The following PTPRN2 variants were observed in gnomAD, a reference collection of about 807,000 sequenced individuals.
The protein encoded by PTPRN2 is protein tyrosine phosphatase receptor type N2, also known as receptor-type tyrosine-protein phosphatase N2.
A neutral mutation model predicts 118.8 loss-of-function variants in PTPRN2; 74 were observed. The observed-to-expected ratio is 0.62, with a 90% CI of 0.52 to 0.76. The LOEUF is 0.76. Among genes scored for constraint, PTPRN2 ranks in the 30% least tolerant of loss-of-function variants. PTPRN2 has a pLI of 0.00. For missense variants in PTPRN2, 1,481 were observed against 1,394.4 expected (o/e 1.06, Z -0.99); for synonymous variants, 641 against 608.0 (o/e 1.05, Z -0.80).
chr7:158,436,093 C>G (rs1200009210), intron 2 of PTPRN2, among the ~76,000 whole-genome samples: 3 of 152,144 alleles, frequency 2.0e-5, no homozygotes, highest in Non-Finnish European at 4.4e-5. Flanking sequence ...CAAAAAAGGA[C>G]ATGGATCCCT....
At position 157,952,335 on chromosome 7, in the gene PTPRN2, A is replaced by G. The variant is rs540332765; in HGVS notation, c.1724-53598T>C. On this transcript the variant is annotated intron_variant, in intron 11 of 22. Coordinates refer to ENST00000389418, the MANE Select transcript of PTPRN2 (RefSeq NM_002847.5). Reference sequence around the variant, plus strand: ...CTGGGGTAGTGTGCACGCCTGAGACAGGGTGGGGGACACGAAGGGAGACAG... The same window carrying G: ...CTGGGGTAGTGTGCACGCCTGAGACGGGGTGGGGGACACGAAGGGAGACAG... Among the ~76,000 whole-genome samples, 690 of 126,082 alleles carry G rather than the reference A, an allele frequency of 5.5e-3. 8 individuals carry two copies. Among genetic ancestry groups the G allele is most frequent in the African/African-American group, 0.015 (485 of 33,318 alleles). The allele number at this position is 126,082 out of a possible 152,430, so 82.7% of individuals were successfully genotyped here.
At chr7:158,371,127 C>T (rs1299886799) in intron 2 of PTPRN2, among the ~76,000 whole-genome samples, 3 of 152,040 alleles carry the variant, frequency 2.0e-5, no homozygotes, top group Admixed American at 6.6e-5. Context: ...TATGTGACTG[C>T]GCAGGGAAGA....
At chr7:158,522,645 A>C (rs994735349) in intron 1 of PTPRN2, among the ~76,000 whole-genome samples, 4 of 152,198 alleles carry the variant, frequency 2.6e-5, no homozygotes, top group Non-Finnish European at 5.9e-5. Context: ...GGCTAGATGC[A>C]GTCTGTGGAC....
At chr7:158,552,425 A>T (rs1195896082) in intron 1 of PTPRN2, among the ~76,000 whole-genome samples, 1 of 152,212 alleles carries the variant, frequency 6.6e-6, no homozygotes, top group Non-Finnish European at 1.5e-5. Flanking sequence ...ACTGTTTTTT[A>T]AAAAATAATT....
intron 1 of PTPRN2, among the ~76,000 whole-genome samples, chr7:158,495,935 C>T (rs1054471850): frequency 2.0e-5 from 3 of 152,044 alleles, no homozygotes; most frequent in Non-Finnish European, 4.4e-5. Flanking sequence ...AGGAAGGCTC[C>T]TCCCAGATCT....
chr7:158,233,990 A>G (rs1234845571), intron 3 of PTPRN2, among the ~76,000 whole-genome samples: 1 of 152,236 alleles, frequency 6.6e-6, no homozygotes, highest in African/African-American at 2.4e-5. Context: ...TTAAAGGCTT[A>G]AATATAAGAC....
At chr7:157,800,313 C>T (rs1805183087) in intron 12 of PTPRN2, among the ~76,000 whole-genome samples, 1 of 152,200 alleles carries the variant, frequency 6.6e-6, no homozygotes, top group South Asian at 2.1e-4. Context: ...ATCACTGTGC[C>T]CTCTTCTCCT....
intron 11 of PTPRN2, among the ~76,000 whole-genome samples, chr7:157,911,766 G>A (rs1164442194): frequency 1.3e-5 from 2 of 152,150 alleles, no homozygotes; most frequent in African/African-American, 2.4e-5. Context: ...GTTTCTGTAT[G>A]TAGACTTTTT....
chr7:158,584,357 C>G (rs1439738263), intron 1 of PTPRN2, among the ~76,000 whole-genome samples: 1 of 152,168 alleles, frequency 6.6e-6, no homozygotes, highest in Non-Finnish European at 1.5e-5. Flanking sequence ...GGAAAAAGCA[C>G]TGAGACCTGC....
At chr7:157,847,987 T>C (rs548638428) in intron 12 of PTPRN2, among the ~76,000 whole-genome samples, 83 of 111,732 alleles carry the variant, frequency 7.4e-4, no homozygotes, top group South Asian at 1.0e-3. Flanking sequence ...AGAGCCCTCT[T>C]TCATTACATC....
chr7:158,100,697 C>G lies in PTPRN2; in HGVS notation c.1643+10132G>C, dbSNP rs142713541. On this transcript the variant is annotated intron_variant, in intron 10 of 22. Coordinates refer to ENST00000389418, the MANE Select transcript of PTPRN2 (RefSeq NM_002847.5). ...ATATGTTTGTTGGCCATTTGTATAT[C>G]TTCTTTCAAGAATTGTCTATTCATG... Among the ~76,000 whole-genome samples the G allele has an allele frequency of 3.4e-4, 51 of 152,224 alleles. No individual in the cohort carries two copies. The East Asian group carries it at 8.5e-3, about 25-fold the overall frequency.
intron 1 of PTPRN2, among the ~76,000 whole-genome samples, chr7:158,508,031 C>T (rs1822892816): frequency 6.8e-6 from 1 of 147,198 alleles, no homozygotes; most frequent in Admixed American, 6.7e-5. Context: ...TGAGGACCGT[C>T]CAGGGGACAG....
chr7:158,269,292 A>C (rs1798136776), intron 3 of PTPRN2, among the ~76,000 whole-genome samples: 2 of 152,210 alleles, frequency 1.3e-5, no homozygotes, highest in Admixed American at 6.5e-5. Flanking sequence ...CTAGCAGTGT[A>C]ACCCTGAATG....
At chr7:157,798,945 AAGGCAGCAGGAG>A (rs1277100063) in intron 12 of PTPRN2, among the ~76,000 whole-genome samples, 19 of 152,276 alleles carry the variant, frequency 1.2e-4, no homozygotes, top group African/African-American at 4.6e-4. Context: ...CTCTCCCAGG[AAGGCAGCAGGAG>A]AGGAGACCCC....
chr7:158,552,279 A>G (rs927519241), intron 1 of PTPRN2, among the ~76,000 whole-genome samples: 15 of 149,436 alleles, frequency 1.0e-4, no homozygotes, highest in Admixed American at 6.7e-5. Flanking sequence ...TAATGCATGC[A>G]TTTGAGCCCC....
intron 10 of PTPRN2, among the ~76,000 whole-genome samples, chr7:158,084,822 A>ATG (rs1813142019): frequency 2.7e-5 from 3 of 113,042 alleles, no homozygotes; most frequent in South Asian, 6.5e-4. Flanking sequence ...ACACTCCTAC[A>ATG]ATGCCCATCC....
intron 10 of PTPRN2, among the ~76,000 whole-genome samples, chr7:158,103,185 G>A (rs746621535): frequency 5.9e-5 from 9 of 152,172 alleles, no homozygotes; most frequent in African/African-American, 1.7e-4. Context: ...CTCCCTGTGC[G>A]CATGGCCTGG....
chr7:158,381,152 C>T (rs559820783), intron 2 of PTPRN2, among the ~76,000 whole-genome samples: 1 of 152,354 alleles, frequency 6.6e-6, no homozygotes, highest in South Asian at 2.1e-4. Flanking sequence ...CAGGGATTCA[C>T]ATTTGGCTCC....
intron 22 of PTPRN2, among the ~76,000 whole-genome samples, chr7:157,541,724 G>C (rs1312172733): frequency 1.3e-5 from 2 of 152,212 alleles, no homozygotes; most frequent in African/African-American, 2.4e-5. Flanking sequence ...TCCAATACTT[G>C]ATCATTTAAG....
Sources: gnomAD v4.1 joint callset for allele counts (sites outside exome capture counted in the v4.1 genomes callset) on GRCh38, gnomAD v4.1.1 for gene constraint, MANE v1.5 for transcripts, NCBI Gene and HGNC (gene_info 2026-07-23, HGNC 2026-07-21) for gene names.